Variants in FLNB observed in about 807,000 individuals in gnomAD.
The protein encoded by FLNB is filamin B.
Under a neutral mutation model 250.6 loss-of-function variants are expected in FLNB, and 111 were observed. The observed-to-expected ratio is 0.44, with a 90% CI of 0.38 to 0.52. The LOEUF (loss-of-function observed/expected upper bound fraction) is 0.52. FLNB is among the 20% of genes least tolerant of loss of function. FLNB has a pLI of 0.00. For missense variants in FLNB, 2,869 were observed against 3,447.8 expected (o/e 0.83, Z 4.20); for synonymous variants, 1,302 against 1,372.1 (o/e 0.95, Z 1.13).
At chr3:58,146,352 C>G (rs1279583394) in intron 33 of FLNB, among the ~76,000 whole-genome samples, 1 of 152,232 alleles carries the variant, frequency 6.6e-6, no homozygotes, top group Non-Finnish European at 1.5e-5. Context: ...CATGTATCCA[C>G]AAGACCACAT....
At chr3:58,151,900 A>G (rs544205456) in intron 38 of FLNB, among the ~76,000 whole-genome samples, 5 of 152,212 alleles carry the variant, frequency 3.3e-5, no homozygotes, top group African/African-American at 1.2e-4. Flanking sequence ...ATACTCCCCC[A>G]CCAGCACTGG....
At chr3:58,020,977 G>A (rs1306465792) in intron 1 of FLNB, among the ~76,000 whole-genome samples, 3 of 151,994 alleles carry the variant, frequency 2.0e-5, no homozygotes, top group Non-Finnish European at 4.4e-5. Context: ...GGGAGGCCGG[G>A]GCAGGAAAGG....
intron 2 of FLNB, chr3:58,078,205 T>C (rs1559677197): frequency 8.3e-7 from 1 of 1,204,384 alleles, no homozygotes; most frequent in Non-Finnish European, 1.1e-6. Context: ...TTACTTCCAT[T>C]TAAGGACACA....
intron 2 of FLNB, chr3:58,078,325 G>A: frequency 6.9e-7 from 1 of 1,446,792 alleles, no homozygotes; most frequent in Non-Finnish European, 9.0e-7. Flanking sequence ...CTTTGAGCAA[G>A]TGGATTTTTG....
chr3:58,057,667 T>A (rs147574967), intron 1 of FLNB, among the ~76,000 whole-genome samples: 4 of 152,326 alleles, frequency 2.6e-5, no homozygotes, highest in Non-Finnish European at 4.4e-5. Flanking sequence ...AGTTTGGTAG[T>A]TGGTTGACTG....
chr3:58,091,309 A>G (rs1228376979), intron 4 of FLNB, among the ~76,000 whole-genome samples: 2 of 152,234 alleles, frequency 1.3e-5, no homozygotes, highest in Admixed American at 1.3e-4. Flanking sequence ...CTGTATAGCT[A>G]CAGAAGTCCA....
In FLNB at chr3:58,171,021, G is replaced by T; in HGVS notation, c.*259G>T. The stretch of plus-strand genomic sequence containing the variant: ...TAGGTGCAAACCAGAACTCTTGGTG[G>T]AACAGACCAGCCACTGCAGCAGACA... On this transcript the variant is annotated 3_prime_UTR_variant, in exon 46 of 46. Transcript: ENST00000295956. The surrounding 1 kb of genome is among the most constrained non-coding windows in gnomAD (Gnocchi z 5.5). 1 of 477,908 alleles carries T rather than the reference G, an allele frequency of 2.1e-6. No homozygotes were observed. Among genetic ancestry groups the T allele is most frequent in the Non-Finnish European group, 3.8e-6 (1 of 261,990 alleles). The allele number at this position is 477,908 out of a possible 1,614,324, so 29.6% of individuals were successfully genotyped here.
intron 4 of FLNB, among the ~76,000 whole-genome samples, chr3:58,084,503 T>G (rs2097214160): frequency 6.6e-6 from 1 of 152,202 alleles, no homozygotes; most frequent in Non-Finnish European, 1.5e-5. Context: ...TGCCATTTCC[T>G]TCATCTGCCT....
intron 25 of FLNB, chr3:58,131,938 G>A (rs2097308160): frequency 4.6e-6 from 7 of 1,536,922 alleles, no homozygotes; most frequent in African/African-American, 1.4e-5. Flanking sequence ...TGACGACACG[G>A]ATTCCCAGTC....
intron 18 of FLNB, 66 bp downstream of exon 18, chr3:58,112,384 G>C (rs2097270391): frequency 1.3e-6 from 2 of 1,500,700 alleles, no homozygotes; most frequent in South Asian, 1.1e-5. Context: ...AGTCGGTGCT[G>C]GGTCACTGTG....
chr3:58,037,831 G>T (rs1186976684), intron 1 of FLNB, among the ~76,000 whole-genome samples: 1 of 152,002 alleles, frequency 6.6e-6, no homozygotes, highest in Admixed American at 6.6e-5. Context: ...GGAAACTAGA[G>T]AACATGATCT....
At chr3:58,130,600 C>A in intron 24 of FLNB, 141 bp from the exon 25 acceptor site, 1 of 726,524 alleles carries the variant, frequency 1.4e-6, no homozygotes. Context: ...GGCACATGAG[C>A]AGTGCACACA....
rs1289266710 is a variant in FLNB at position 58,169,666 on chromosome 3, A to G, written c.7494A>G (p.Thr2498=). ...TGGAGTCAGTGACCAGGTCGTCTAC[A>G]GAGACCTGCTATAGCGCCATTCCCA... ...ILVESVTRSS[T]ETCYSAIPKA... Residue 2498 remains threonine (T), a synonymous_variant, in exon 45 of 46, where the codon ACA becomes ACG. Coordinates refer to ENST00000295956, the MANE Select transcript of FLNB (RefSeq NM_001457.4). The surrounding 1 kb of genome is among the most constrained non-coding windows in gnomAD (Gnocchi z 4.8). 6.2e-7 allele frequency: 1 copy of G among 1,613,946 alleles called. No homozygotes were observed. Among genetic ancestry groups the G allele is most frequent in the Admixed American group, 1.7e-5 (1 of 60,020 alleles).
intron 1 of FLNB, among the ~76,000 whole-genome samples, chr3:58,072,023 C>T (rs1486994287): frequency 6.6e-6 from 1 of 152,126 alleles, no homozygotes; most frequent in Admixed American, 6.5e-5. Context: ...AACTGATTTA[C>T]AGAAGTGACA....
At chr3:58,076,325 CA>C (rs2097201594) in intron 1 of FLNB, among the ~76,000 whole-genome samples, 1 of 152,186 alleles carries the variant, frequency 6.6e-6, no homozygotes, top group Admixed American at 6.5e-5. Flanking sequence ...AGCAAACACA[CA>C]TGCATGTATA....
intron 34 of FLNB, among the ~76,000 whole-genome samples, chr3:58,147,376 A>G (rs2097337419): frequency 6.6e-6 from 1 of 152,236 alleles, no homozygotes; most frequent in Non-Finnish European, 1.5e-5. Flanking sequence ...TACAGATGGG[A>G]AAACTGAGGC....
chr3:58,131,744 G>A (rs1466012647), intron 25 of FLNB, among the ~76,000 whole-genome samples: 8 of 152,226 alleles, frequency 5.3e-5, no homozygotes, highest in African/African-American at 1.9e-4. Context: ...GGGAAATTAG[G>A]TCATGGGTCT....
chr3:58,083,496 A>G (rs1299235581), intron 4 of FLNB, among the ~76,000 whole-genome samples: 1 of 150,604 alleles, frequency 6.6e-6, no homozygotes, highest in East Asian at 2.0e-4. Context: ...CCTCCCGAGT[A>G]GCTGGGATTA....
chr3:58,134,916 TGCAGAA>T (rs1451612386), intron 27 of FLNB, 144 bp downstream of exon 27: 16 of 773,568 alleles, frequency 2.1e-5, no homozygotes, highest in Admixed American at 9.6e-5. Flanking sequence ...TCAGTAAATG[TGCAGAA>T]GCAGAAGCAG....
Sources: gnomAD v4.1 joint callset for allele counts (sites outside exome capture counted in the v4.1 genomes callset) on GRCh38, gnomAD v4.1.1 for gene constraint, Gnocchi (gnomAD v3.1) non-coding constraint, MANE v1.5 for transcripts, NCBI Gene and HGNC (gene_info 2026-07-23, HGNC 2026-07-21) for gene names.